The following ADAMTSL1 variants were observed in gnomAD, a reference collection of about 807,000 sequenced individuals.
ADAMTSL1 encodes the protein ADAMTS like 1, also known as ADAMTS-like protein 1.
A neutral mutation model predicts 201.8 loss-of-function variants in ADAMTSL1; 126 were observed. The observed-to-expected ratio is 0.62, with a 90% CI of 0.54 to 0.72. The LOEUF is 0.72. Among genes scored for constraint, ADAMTSL1 ranks in the 30% least tolerant of loss-of-function variants. The probability of loss-of-function intolerance (pLI) is 0.00; values close to 1 mark genes in which losing one functional copy is unlikely to be tolerated. For synonymous variants in ADAMTSL1, 1,121 were observed against 903.4 expected, an observed-to-expected ratio of 1.24 and a Z score of -4.32; for missense variants, 2,679 against 2,277.8, an observed-to-expected ratio of 1.18 and a Z score of -3.59.
chr9:17,971,469 T>C (rs1818203303), intron 1 of ADAMTSL1, among the ~76,000 whole-genome samples: 1 of 152,086 alleles, frequency 6.6e-6, no homozygotes, highest in African/African-American at 2.4e-5. Context: ...CAATCATAGC[T>C]AATTAGAAGT....
At chr9:18,596,468 T>C (rs1158080535) in intron 4 of ADAMTSL1, among the ~76,000 whole-genome samples, 1 of 152,108 alleles carries the variant, frequency 6.6e-6, no homozygotes, top group Non-Finnish European at 1.5e-5. Context: ...TGAAAGCCAA[T>C]ATTTATTTAT....
intron 1 of ADAMTSL1, among the ~76,000 whole-genome samples, chr9:18,050,327 A>C (rs1304506499): frequency 6.6e-6 from 1 of 152,200 alleles, no homozygotes; most frequent in Non-Finnish European, 1.5e-5. Context: ...GAGACTAATA[A>C]AATACTTGAG....
chr9:18,473,167 T>G (rs139193389), upstream of ADAMTSL1, among the ~76,000 whole-genome samples: 1 of 152,324 alleles, frequency 6.6e-6, no homozygotes, highest in African/African-American at 2.4e-5. Context: ...TTCTGCATTA[T>G]AACAGCTCTG....
At chr9:18,105,164 G>T (rs1824701256) in intron 1 of ADAMTSL1, among the ~76,000 whole-genome samples, 1 of 152,138 alleles carries the variant, frequency 6.6e-6, no homozygotes, top group Non-Finnish European at 1.5e-5. Context: ...TCCGCTCTTG[G>T]TTGTCTCACC....
At chr9:18,768,054 G>C (rs1330375604) in intron 16 of ADAMTSL1, among the ~76,000 whole-genome samples, 2 of 152,204 alleles carry the variant, frequency 1.3e-5, no homozygotes, top group Non-Finnish European at 2.9e-5. Flanking sequence ...AAATTTTCCA[G>C]GGTCACTAGA....
At chr9:18,129,909 C>A (rs1040002736) in intron 1 of ADAMTSL1, among the ~76,000 whole-genome samples, 2 of 152,144 alleles carry the variant, frequency 1.3e-5, no homozygotes, top group Admixed American at 1.3e-4. Context: ...GAAAGCTTAA[C>A]TGAGAAGATG....
chr9:18,632,914 C>T (rs1335142454), intron 5 of ADAMTSL1, among the ~76,000 whole-genome samples: 1 of 152,086 alleles, frequency 6.6e-6, no homozygotes, highest in Non-Finnish European at 1.5e-5. Flanking sequence ...CTCCATATAC[C>T]CTCTTCCTCA....
At chr9:18,394,378 T>C (rs1159135435) in intron 2 of ADAMTSL1, among the ~76,000 whole-genome samples, 1 of 152,116 alleles carries the variant, frequency 6.6e-6, no homozygotes, top group African/African-American at 2.4e-5. Context: ...CCCCAGGAGA[T>C]CCATTTTTGT....
intron 7 of ADAMTSL1, among the ~76,000 whole-genome samples, chr9:18,657,381 A>T (rs1828756796): frequency 6.6e-6 from 1 of 152,230 alleles, no homozygotes; most frequent in Admixed American, 6.5e-5. Flanking sequence ...ATGATAGTGA[A>T]ATCACAAATT....
intron 10 of ADAMTSL1, 97 bp from the exon 11 acceptor site, chr9:18,680,215 T>G: frequency 7.9e-7 from 1 of 1,271,506 alleles, no homozygotes; most frequent in Non-Finnish European, 1.1e-6. Flanking sequence ...CAGAACCTGA[T>G]TATACCAATA....
intron 23 of ADAMTSL1, among the ~76,000 whole-genome samples, chr9:18,835,244 T>C (rs1460134945): frequency 6.6e-6 from 1 of 152,176 alleles, no homozygotes; most frequent in Non-Finnish European, 1.5e-5. Context: ...TATTCATGTG[T>C]TTATTTGCCA....
At chr9:18,888,560 G>C (rs555991640) in intron 24 of ADAMTSL1, among the ~76,000 whole-genome samples, 2 of 152,324 alleles carry the variant, frequency 1.3e-5, no homozygotes, top group African/African-American at 4.8e-5. Context: ...CATGGCTCAT[G>C]CATTAACCTT....
At chr9:18,289,344 C>G (rs1337125595) in intron 2 of ADAMTSL1, among the ~76,000 whole-genome samples, 2 of 152,118 alleles carry the variant, frequency 1.3e-5, no homozygotes, top group East Asian at 1.9e-4. Context: ...AAGAAGTACC[C>G]TCACAGATAC....
At chr9:18,536,370 C>T (rs922554470) in intron 3 of ADAMTSL1, among the ~76,000 whole-genome samples, 1 of 151,792 alleles carries the variant, frequency 6.6e-6, no homozygotes, top group South Asian at 2.1e-4. Flanking sequence ...TGTAGAACCG[C>T]TACATATAAC....
At chr9:18,523,158 T>C (rs1006355426) in intron 2 of ADAMTSL1, among the ~76,000 whole-genome samples, 30 of 152,212 alleles carry the variant, frequency 2.0e-4, no homozygotes, top group Non-Finnish European at 3.7e-4. Flanking sequence ...TGGTATCTCA[T>C]TGTGGTTTTG....
At chr9:18,400,464 T>A (rs1817943253) in intron 2 of ADAMTSL1, among the ~76,000 whole-genome samples, 1 of 152,226 alleles carries the variant, frequency 6.6e-6, no homozygotes, top group Non-Finnish European at 1.5e-5. Flanking sequence ...TTACTATGTT[T>A]CGTTCATAAT....
intron 1 of ADAMTSL1, among the ~76,000 whole-genome samples, chr9:17,961,017 G>C (rs1817728556): frequency 6.6e-6 from 1 of 152,116 alleles, no homozygotes; most frequent in Non-Finnish European, 1.5e-5. Context: ...TGTTTTGAAA[G>C]TATACCATAC....
At chr9:18,826,798 CAATTGTCCTT>C (rs1433782885) in intron 22 of ADAMTSL1, among the ~76,000 whole-genome samples, 2 of 152,198 alleles carry the variant, frequency 1.3e-5, no homozygotes, top group Non-Finnish European at 2.9e-5. Flanking sequence ...CTAATTAAAA[CAATTGTCCTT>C]AACTCTTCCT....
chr9:18,629,753 A>G (rs1826627041), intron 5 of ADAMTSL1, among the ~76,000 whole-genome samples: 1 of 152,132 alleles, frequency 6.6e-6, no homozygotes, highest in African/African-American at 2.4e-5. Context: ...GCCTCAAACG[A>G]TGAGTAGAGA....
Sources: gnomAD v4.1 joint callset for allele counts (sites outside exome capture counted in the v4.1 genomes callset) on GRCh38, gnomAD v4.1.1 for gene constraint, MANE v1.5 for transcripts, NCBI Gene and HGNC (gene_info 2026-07-23, HGNC 2026-07-21) for gene names.